PRMT7: variants seen among roughly 807,000 people sequenced by gnomAD.
PRMT7 encodes the protein protein arginine methyltransferase 7.
Under a neutral mutation model 85.4 loss-of-function variants are expected in PRMT7, and 75 were observed. The ratio of observed to expected loss-of-function variants is 0.88; its 90% CI spans 0.73 to 1.06. The LOEUF (loss-of-function observed/expected upper bound fraction) is 1.06, where lower values mean the gene tolerates loss of function less well. Ranked by LOEUF, PRMT7 falls within the 50% of genes least tolerant of loss-of-function variation. The pLI, the probability that PRMT7 is intolerant of heterozygous loss-of-function variation, is 0.00. For synonymous variants in PRMT7, 397 were observed against 359.5 expected (o/e 1.10, Z -1.18); for missense variants, 868 against 915.2 (o/e 0.95, Z 0.67).
At chr16:68,341,608 C>T (rs529305440) in intron 9 of PRMT7, among the ~76,000 whole-genome samples, 1 of 152,104 alleles carries the variant, frequency 6.6e-6, no homozygotes, top group Non-Finnish European at 1.5e-5. Flanking sequence ...GGGGTTTCTC[C>T]ACGTTGGCCA....
At chr16:68,321,384 G>T in intron 3 of PRMT7, 42 bp from the exon 4 acceptor site, 1 of 1,509,482 alleles carries the variant, frequency 6.6e-7, no homozygotes, top group Non-Finnish European at 9.2e-7. Flanking sequence ...CTTGTGTGTT[G>T]ATGTGTATCA....
chr16:68,335,014 A>G (rs946205620), intron 6 of PRMT7, among the ~76,000 whole-genome samples: 3 of 152,062 alleles, frequency 2.0e-5, no homozygotes, highest in Non-Finnish European at 4.4e-5. Context: ...CCAGGCTGGT[A>G]TCGAACTCCT....
Position 68,339,553 on chromosome 16 carries a change from C to A in PRMT7, c.736C>A (p.Pro246Thr), listed in dbSNP as rs2085208352. ...CTTTACAGTCCTCAGCGATGTGCTG[C>A]CCATGTTCAGGTACCAAGGAGCCAC... is the stretch of plus-strand genomic sequence containing the variant. The part of the protein sequence containing the change: ...ADFTVLSDVL[P>T]MFSIDFSKQV... The change falls in exon 8 of 19, where the codon CCC becomes ACC. Residue 246 changes from proline to threonine, a missense_variant. Transcript: ENST00000441236. 6.2e-7 allele frequency: 1 copy of A among 1,613,360 alleles called. No individual in the cohort carries two copies. The highest frequency in any genetic ancestry group is 1.1e-5 in the South Asian group (1 of 91,094).
intron 5 of PRMT7, among the ~76,000 whole-genome samples, chr16:68,328,849 C>A (rs547015422): frequency 6.6e-6 from 1 of 152,160 alleles, no homozygotes; most frequent in Non-Finnish European, 1.5e-5. Context: ...TCAGGATCCC[C>A]GGCATCCCCG....
At chr16:68,320,413 A>G (rs1174832035) in intron 3 of PRMT7, among the ~76,000 whole-genome samples, 1 of 152,220 alleles carries the variant, frequency 6.6e-6, no homozygotes, top group Non-Finnish European at 1.5e-5. Context: ...AGCCAGTGAT[A>G]AGCATTGTTC....
At chr16:68,322,719 A>ATT (rs11451851) in intron 4 of PRMT7, among the ~76,000 whole-genome samples, 3 of 151,476 alleles carry the variant, frequency 2.0e-5, no homozygotes, top group Non-Finnish European at 2.9e-5. Context: ...CTGTTCATCA[A>ATT]TTTTTTTTAA....
At chr16:68,346,078 T>G in intron 10 of PRMT7, 67 bp from the exon 11 acceptor site, 1 of 1,600,272 alleles carries the variant, frequency 6.2e-7, no homozygotes, top group African/African-American at 1.3e-5. Context: ...AGTGTCCAGA[T>G]TCATGCCCTC....
intron 5 of PRMT7, among the ~76,000 whole-genome samples, chr16:68,326,220 T>C (rs1431587882): frequency 2.0e-5 from 3 of 152,248 alleles, no homozygotes; most frequent in South Asian, 2.1e-4. Flanking sequence ...CAAAATTGGG[T>C]TCATGTAGTG....
chr16:68,322,008 C>T (rs762788753), intron 4 of PRMT7, among the ~76,000 whole-genome samples: 10 of 150,994 alleles, frequency 6.6e-5, no homozygotes, highest in African/African-American at 9.8e-5. Context: ...AGTACAGGGG[C>T]GAGATCTCGG....
chr16:68,326,674 T>G (rs557547787), intron 5 of PRMT7, among the ~76,000 whole-genome samples: 1 of 152,334 alleles, frequency 6.6e-6, no homozygotes, highest in Non-Finnish European at 1.5e-5. Flanking sequence ...GGGATTCAGT[T>G]ACTCTTAGCT....
At chr16:68,320,172 G>A (rs1290945354) in intron 3 of PRMT7, among the ~76,000 whole-genome samples, 1 of 152,162 alleles carries the variant, frequency 6.6e-6, no homozygotes, top group African/African-American at 2.4e-5. Context: ...TTTTTCCTGA[G>A]GAGGAAAATG....
chr16:68,332,829 A>G (rs1277675554), intron 6 of PRMT7, among the ~76,000 whole-genome samples: 1 of 152,170 alleles, frequency 6.6e-6, no homozygotes, highest in East Asian at 1.9e-4. Context: ...AGAGCAGGGT[A>G]AGGGTTACTT....
chr16:68,333,534 G>T (rs955040368), intron 6 of PRMT7, among the ~76,000 whole-genome samples: 1 of 152,092 alleles, frequency 6.6e-6, no homozygotes, highest in Middle Eastern at 3.4e-3. Flanking sequence ...TGTTTCACAG[G>T]CTGGTCTTGA....
At chr16:68,322,850 G>A (rs933394579) in intron 4 of PRMT7, among the ~76,000 whole-genome samples, 1 of 151,978 alleles carries the variant, frequency 6.6e-6, no homozygotes, top group Non-Finnish European at 1.5e-5. Flanking sequence ...GGCTAACATG[G>A]TGAAACCCCG....
chr16:68,316,501 C>T (rs989593541), intron 3 of PRMT7, among the ~76,000 whole-genome samples: 1 of 152,016 alleles, frequency 6.6e-6, no homozygotes. Flanking sequence ...CGCAGTGGCT[C>T]ACGCCTCTAA....
intron 6 of PRMT7, among the ~76,000 whole-genome samples, chr16:68,332,692 G>GT (rs2084069769): frequency 3.3e-5 from 5 of 152,084 alleles, no homozygotes; most frequent in Non-Finnish European, 7.4e-5. Context: ...TTCTCTGCCT[G>GT]GCAAGTTCCA....
intron 2 of PRMT7, 55 bp downstream of exon 2, chr16:68,312,231 T>TA (rs1567615815): frequency 1.0e-3 from 55 of 53,078 alleles, no homozygotes; most frequent in African/African-American, 3.1e-3. Flanking sequence ...ATATATATAT[T>TA]TTTTTTTTTA....
At chr16:68,351,362 TA>T (rs2151892150) in intron 14 of PRMT7, 1 of 151,952 alleles carries the variant, frequency 6.6e-6, no homozygotes, top group Non-Finnish European at 1.5e-5. Context: ...CTCCGTTTCT[TA>T]CCCGGACTCT....
intron 14 of PRMT7, among the ~76,000 whole-genome samples, chr16:68,349,410 C>A (rs1022000643): frequency 6.6e-6 from 1 of 152,294 alleles, no homozygotes; most frequent in South Asian, 2.1e-4. Context: ...GTCACCTTTC[C>A]TTGAATATGC....
Sources: allele counts gnomAD v4.1 joint callset (sites outside exome capture counted in the v4.1 genomes callset), GRCh38; gene constraint gnomAD v4.1.1; transcripts MANE v1.5; gene names NCBI Gene and HGNC (gene_info 2026-07-23, HGNC 2026-07-21).